Variants in C14orf39 observed in about 807,000 individuals in gnomAD.
The protein encoded by C14orf39 is chromosome 14 open reading frame 39, also known as protein SIX6OS1.
In C14orf39, 66 loss-of-function variants were observed where a neutral mutation model predicts 85.6. The ratio of observed to expected loss-of-function variants is 0.77; its 90% CI spans 0.63 to 0.95. The LOEUF is 0.95. C14orf39 is among the 40% of genes least tolerant of loss of function. The pLI, the probability that C14orf39 is intolerant of heterozygous loss-of-function variation, is 0.00. For missense variants in C14orf39, 735 were observed against 663.9 expected (o/e 1.11, Z -1.18); for synonymous variants, 242 against 214.0 (o/e 1.13, Z -1.14).
chr14:60,476,571 GT>G (rs1478039732), intron 5 of C14orf39, among the ~76,000 whole-genome samples: 3 of 152,146 alleles, frequency 2.0e-5, no homozygotes, highest in Non-Finnish European at 4.4e-5. Context: ...ACAGACAACT[GT>G]TTTCACTTTA....
intron 1 of C14orf39, among the ~76,000 whole-genome samples, chr14:60,506,986 G>C (rs1012554083): frequency 1.3e-5 from 2 of 152,168 alleles, no homozygotes; most frequent in Admixed American, 1.3e-4. Context: ...AAACTGTCCA[G>C]TAAAAGGGCG....
In C14orf39 at chr14:60,511,469, C is replaced by T. The variant is rs903604359; in HGVS notation, c.-144+3926G>A. ...GCGACCACGGGAACCAGCGGTGAGGCCTGACCCAGCACCACGTTCTTCTTG... is the reference window on the plus strand; with the variant it reads ...GCGACCACGGGAACCAGCGGTGAGGTCTGACCCAGCACCACGTTCTTCTTG... On this transcript the variant is annotated intron_variant, in intron 1 of 5. Transcript: ENST00000556799. 4 of 624,450 alleles carry T rather than the reference C, an allele frequency of 6.4e-6. No homozygotes were observed. In the East Asian group the frequency reaches 1.1e-4, roughly 17 times the overall value. The allele number at this position is 624,450 out of a possible 1,614,324, so 38.7% of individuals were successfully genotyped here. A position where few individuals can be genotyped will look rare whatever the true frequency, so the allele number is the denominator to read the frequency against.
At chr14:60,455,237 T>G (rs1891215788) in intron 15 of C14orf39, 92 bp from the exon 16 acceptor site, 1 of 861,350 alleles carries the variant, frequency 1.2e-6, no homozygotes, top group Non-Finnish European at 1.7e-6. Flanking sequence ...GAGGTGAGAA[T>G]TAGCATAGTA....
intron 13 of C14orf39, among the ~76,000 whole-genome samples, chr14:60,460,634 C>T (rs1891477088): frequency 6.6e-6 from 1 of 151,662 alleles, no homozygotes; most frequent in Non-Finnish European, 1.5e-5. Flanking sequence ...ATTATATATA[C>T]ATTCACTCAC....
At chr14:60,453,244 G>A (rs897268212) in intron 16 of C14orf39, among the ~76,000 whole-genome samples, 11 of 151,868 alleles carry the variant, frequency 7.2e-5, no homozygotes, top group Non-Finnish European at 1.6e-4. Context: ...GCTGTTATTA[G>A]GCTTTACACA....
upstream of C14orf39, among the ~76,000 whole-genome samples, chr14:60,486,326 A>T (rs147862103): frequency 1.6e-3 from 241 of 152,344 alleles, no homozygotes; most frequent in African/African-American, 5.5e-3. Flanking sequence ...TGTTTTTTAA[A>T]GCCTATTTAT....
At position 60,484,452 on chromosome 14, in the gene C14orf39, G is replaced by GA. The variant is rs543584182; in HGVS notation, c.106+428dup. On this transcript the variant is annotated intron_variant, in intron 3 of 17. Transcript: ENST00000321731. This position sits in a 1 kb window ranked among gnomAD's most constrained non-coding sequence, Gnocchi z 4.2. ...TTAAAATACTATACAGTATTTGTGT[G>GA]ATTTGCCTTGCTATTTCTCTGATAA... Among the ~76,000 whole-genome samples, 45 of 152,132 alleles carry GA rather than the reference G, an allele frequency of 3.0e-4. No individual in the cohort carries two copies. The highest frequency in any genetic ancestry group is 1.0e-3 in the African/African-American group (42 of 41,508).
rs1893062729 is a variant in C14orf39, at chr14:60,495,863, C to G, written c.-9+3433G>C. The G allele has an allele frequency of 5.5e-5, 19 of 348,196 alleles. 2 individuals are homozygous for G. The highest frequency in any genetic ancestry group is 4.6e-4 in the South Asian group (19 of 41,644). The allele number at this position is 348,196 out of a possible 1,614,324, so 21.6% of individuals were successfully genotyped here. A position where few individuals can be genotyped will look rare whatever the true frequency, so the allele number is the denominator to read the frequency against. On this transcript the variant is annotated intron_variant, in intron 2 of 5. Transcript: ENST00000556799. ...TTCCTTTTCCCTTTCTTGGAAAGGTCTAGCACTACAGTATAGAATATAGAA... is the reference window on the plus strand; with the variant it reads ...TTCCTTTTCCCTTTCTTGGAAAGGTGTAGCACTACAGTATAGAATATAGAA...
rs1189507112 is a variant in C14orf39, at chr14:60,478,380, T to C, written c.243A>G (p.Pro81=). Residue 81 remains proline (P), a synonymous_variant, in exon 5 of 18, where the codon CCA becomes CCG. Coordinates refer to ENST00000321731, the MANE Select transcript of C14orf39 (RefSeq NM_174978.3). The part of the protein sequence containing the change: ...EIKDNCRNWK[P]TCDVFRKHED... ...CATGTTTACGAAAAACATCACATGT[T>C]GGCTTCCAGCTATAGAAAAAAATAT... The C allele has an allele frequency of 6.4e-7, 1 of 1,568,554 alleles. No individual in the cohort carries two copies. The highest frequency in any genetic ancestry group is 8.6e-7 in the Non-Finnish European group (1 of 1,159,532).
chr14:60,467,965 A>T, intron 9 of C14orf39, among the ~76,000 whole-genome samples: 1 of 151,472 alleles, frequency 6.6e-6, no homozygotes, highest in East Asian at 1.9e-4. Context: ...TCTATCACTG[A>T]TCTCTATTTT....
intron 5 of C14orf39, among the ~76,000 whole-genome samples, chr14:60,475,834 T>C (rs1009355610): frequency 6.6e-6 from 1 of 152,116 alleles, no homozygotes; most frequent in Non-Finnish European, 1.5e-5. Flanking sequence ...TTCAAAAAAA[T>C]TCGTAGAAAA....
intron 2 of C14orf39, chr14:60,494,258 C>G: frequency 5.5e-6 from 1 of 180,760 alleles, no homozygotes; most frequent in East Asian, 1.5e-4. Flanking sequence ...CATGGCATGT[C>G]TAGTTATTGT....
At chr14:60,451,880 G>T (rs562069629) in intron 16 of C14orf39, among the ~76,000 whole-genome samples, 2 of 151,950 alleles carry the variant, frequency 1.3e-5, no homozygotes, top group African/African-American at 4.8e-5. Flanking sequence ...ATAAAATAAT[G>T]GGTTAAAAGA....
rs150617736 is a variant in C14orf39, at chr14:60,510,056, C to A, written c.-144+5339G>T. The A allele has an allele frequency of 3.0e-4, 366 of 1,202,744 alleles. 1 individual carries two copies. Among genetic ancestry groups the A allele is most frequent in the Non-Finnish European group, 3.9e-4 (325 of 830,664 alleles). The allele number at this position is 1,202,744 out of a possible 1,614,324, so 74.5% of individuals were successfully genotyped here. On this transcript the variant is annotated intron_variant, in intron 1 of 5. Coordinates refer to the C14orf39 transcript ENST00000556799. The stretch of plus-strand genomic sequence containing the variant: ...TCTGGCGCCCTTACCCAGTCCCTGG[C>A]GACTCCAATTCAGCAGGAGTTGGGA...
chr14:60,441,157 A>G (rs17097433), intron 17 of C14orf39, among the ~76,000 whole-genome samples: 2,268 of 152,226 alleles, frequency 0.015, 55 homozygotes, highest in African/African-American at 0.052. Flanking sequence ...TGTTTTATCT[A>G]TCTAGTCTGC....
intron 16 of C14orf39, among the ~76,000 whole-genome samples, chr14:60,447,726 G>A (rs147410679): frequency 1.2e-3 from 189 of 152,174 alleles, no homozygotes; most frequent in Non-Finnish European, 2.1e-3. Flanking sequence ...AAAAAAGCCC[G>A]CATAGCCAAG....
intron 4 of C14orf39, among the ~76,000 whole-genome samples, chr14:60,482,479 A>G (rs1319255154): frequency 6.6e-6 from 1 of 152,156 alleles, no homozygotes; most frequent in Non-Finnish European, 1.5e-5. Flanking sequence ...AAGTCAATCA[A>G]TGTGTTACTG....
intron 2 of C14orf39, among the ~76,000 whole-genome samples, chr14:60,492,656 G>C (rs570033687): frequency 6.6e-6 from 1 of 152,014 alleles, no homozygotes; most frequent in African/African-American, 2.4e-5. Context: ...GCTGGTATGT[G>C]CCTGTAGTCC....
intron 9 of C14orf39, among the ~76,000 whole-genome samples, chr14:60,467,838 T>C (rs1272019924): frequency 6.6e-6 from 1 of 151,136 alleles, no homozygotes; most frequent in South Asian, 2.1e-4. Context: ...TTCAGAAGAA[T>C]GAAAAAGGAT....
Sources: allele counts gnomAD v4.1 joint callset (sites outside exome capture counted in the v4.1 genomes callset), GRCh38; gene constraint gnomAD v4.1.1; non-coding constraint Gnocchi (gnomAD v3.1); transcripts MANE v1.5; gene names NCBI Gene and HGNC (gene_info 2026-07-23, HGNC 2026-07-21).